The following ARHGAP8 variants were observed in gnomAD, a reference collection of about 807,000 sequenced individuals.
The protein encoded by ARHGAP8 is Rho GTPase activating protein 8.
In ARHGAP8, 62 loss-of-function variants were observed where a neutral mutation model predicts 46.1. The ratio of observed to expected loss-of-function variants is 1.34; its 90% CI spans 1.10 to 1.66. The LOEUF (loss-of-function observed/expected upper bound fraction) is 1.66, where lower values mean the gene tolerates loss of function less well. Ranked by LOEUF, ARHGAP8 falls within the 40% of genes most tolerant of loss-of-function variation. The probability of loss-of-function intolerance (pLI) is 0.00; values close to 1 mark genes in which losing one functional copy is unlikely to be tolerated. For missense variants in ARHGAP8, 923 were observed against 568.4 expected, an observed-to-expected ratio of 1.62 and a Z score of -6.34; for synonymous variants, 375 against 243.1, an observed-to-expected ratio of 1.54 and a Z score of -5.05.
At chr22:44,858,795 C>A (rs887630529) in intron 10 of ARHGAP8, among the ~76,000 whole-genome samples, 1 of 150,700 alleles carries the variant, frequency 6.6e-6, no homozygotes, top group African/African-American at 2.5e-5. Flanking sequence ...CACTGCCTTT[C>A]CAAGAGCAAC....
At chr22:44,857,157 C>G (rs952759988) in intron 10 of ARHGAP8, among the ~76,000 whole-genome samples, 1 of 145,828 alleles carries the variant, frequency 6.9e-6, no homozygotes, top group Non-Finnish European at 1.5e-5. Context: ...TCAGGCTGGT[C>G]TCAAACTCCT....
At position 44,825,500 on chromosome 22, in the gene ARHGAP8, A is replaced by G; in HGVS notation, c.503A>G (p.Gln168Arg). ...PEVLRYDEKL[Q>R]SLHEGRTPPP... The stretch of plus-strand genomic sequence containing the variant: ...GTCTACAGGTACGATGAGAAGCTCC[A>G]GAGCCTGCACGAGGGCCGGACGCCG... The change falls in exon 7 of 12, where the codon CAG becomes CGG. Residue 168 changes from glutamine (Q) to arginine (R), a missense_variant. Gln to Arg is a conservative substitution (Grantham distance 43). Transcript: ENST00000356099. 4 of 1,613,448 alleles carry G rather than the reference A, an allele frequency of 2.5e-6. No individual in the cohort carries two copies. The highest frequency in any genetic ancestry group is 1.1e-5 in the South Asian group (1 of 91,016).
At chr22:44,789,567 G>A (rs768889461) in intron 2 of ARHGAP8, among the ~76,000 whole-genome samples, 2 of 152,030 alleles carry the variant, frequency 1.3e-5, no homozygotes, top group Non-Finnish European at 2.9e-5. Flanking sequence ...GCGCTGTCTC[G>A]GCTCACTACA....
intron 10 of ARHGAP8, among the ~76,000 whole-genome samples, chr22:44,856,359 T>A (rs113309108): frequency 5.0e-5 from 7 of 140,602 alleles, no homozygotes; most frequent in African/African-American, 1.9e-4. Flanking sequence ...CTACAACCTC[T>A]GCCTCCCGGG....
intron 2 of ARHGAP8, among the ~76,000 whole-genome samples, chr22:44,797,979 ATTT>A (rs36101080): frequency 3.1e-5 from 4 of 128,598 alleles, no homozygotes; most frequent in Admixed American, 1.5e-4. Flanking sequence ...GGCCAATAAG[ATTT>A]TTTTTTTTTT....
chr22:44,822,411 A>G lies in ARHGAP8; in HGVS notation c.427A>G (p.Ser143Gly). 6.3e-7 allele frequency: 1 copy of G among 1,583,422 alleles called. No homozygotes were observed. Among genetic ancestry groups the G allele is most frequent in the East Asian group, 2.3e-5 (1 of 42,858 alleles). Residue 143 changes from serine (S) to glycine (G), a missense_variant, in exon 6 of 12, where the codon AGT (serine) becomes GGT (glycine). Ser to Gly is a moderately conservative substitution (Grantham distance 56, BLOSUM62 0). Coordinates refer to ENST00000356099, the MANE Select transcript of ARHGAP8 (RefSeq NM_181335.3). ...GAAAGTCATCTATTTCAACTACCTG[A>G]GTGAGCTCCACGAACACCTTAAATA... is the stretch of plus-strand genomic sequence containing the variant. ...GKKVIYFNYL[S>G]ELHEHLKYDQ... is the part of the protein sequence containing the mutation.
intron 7 of ARHGAP8, among the ~76,000 whole-genome samples, chr22:44,829,797 A>G (rs541552545): frequency 6.6e-6 from 1 of 152,372 alleles, no homozygotes; most frequent in East Asian, 1.9e-4. Flanking sequence ...TCAAAAGCTT[A>G]CAGCAGAAAG....
intron 7 of ARHGAP8, among the ~76,000 whole-genome samples, chr22:44,828,069 A>C (rs1489955585): frequency 6.6e-6 from 1 of 152,214 alleles, no homozygotes; most frequent in Non-Finnish European, 1.5e-5. Context: ...GTCGTACTGC[A>C]CTGCACAGCT....
chr22:44,773,583 T>C (rs990873030), intron 1 of ARHGAP8, among the ~76,000 whole-genome samples: 1 of 152,200 alleles, frequency 6.6e-6, no homozygotes, highest in Non-Finnish European at 1.5e-5. Context: ...ATTTTTCTTT[T>C]TTCTCTCTTT....
intron 10 of ARHGAP8, among the ~76,000 whole-genome samples, chr22:44,855,086 A>G (rs1004124781): frequency 2.0e-5 from 3 of 152,248 alleles, no homozygotes; most frequent in Admixed American, 2.0e-4. Context: ...ATGCTCATGT[A>G]TCTCTAAGCC....
rs576654650 is a variant in ARHGAP8 at position 44,792,876 on chromosome 22, T to C, written c.79+6270T>C. The stretch of plus-strand genomic sequence containing the variant: ...TCTTACTCTGTTGCTCAGGCTGGAG[T>C]GCAGTGGCGCAATCTCGGCTCACTG... On this transcript the variant is annotated intron_variant, in intron 2 of 11. Coordinates refer to ENST00000356099, the MANE Select transcript of ARHGAP8 (RefSeq NM_181335.3). Among the ~76,000 whole-genome samples, 135 of 151,536 alleles carry C rather than the reference T, an allele frequency of 8.9e-4. 1 individual carries two copies. The highest frequency in any genetic ancestry group is 6.0e-3 in the East Asian group (31 of 5,148).
intron 2 of ARHGAP8, among the ~76,000 whole-genome samples, chr22:44,792,006 C>CTT (rs1927723810): frequency 2.8e-5 from 4 of 140,810 alleles, no homozygotes; most frequent in Admixed American, 2.8e-4. Context: ...TCTTCTTTTT[C>CTT]TTCTTTCTTT....
intron 2 of ARHGAP8, among the ~76,000 whole-genome samples, chr22:44,800,629 G>GTA: frequency 6.3e-5 from 3 of 47,924 alleles, no homozygotes; most frequent in Admixed American, 3.8e-4. Flanking sequence ...TGTGGGGGGC[G>GTA]CCCCTCCCCG....
intron 11 of ARHGAP8, among the ~76,000 whole-genome samples, chr22:44,861,758 A>T (rs752755749): frequency 3.3e-5 from 5 of 152,118 alleles, no homozygotes; most frequent in Admixed American, 3.3e-4. Flanking sequence ...CCTCATCTGT[A>T]AGATGGGGAG....
intron 5 of ARHGAP8, among the ~76,000 whole-genome samples, chr22:44,821,233 C>A (rs979391112): frequency 6.6e-6 from 1 of 152,040 alleles, no homozygotes; most frequent in Non-Finnish European, 1.5e-5. Flanking sequence ...AGATCGAGAC[C>A]ATCCTGGCTA....
At chr22:44,854,425 G>A (rs370776939) in intron 10 of ARHGAP8, among the ~76,000 whole-genome samples, 3 of 151,860 alleles carry the variant, frequency 2.0e-5, no homozygotes, top group Non-Finnish European at 4.4e-5. Context: ...GTAGAGACGG[G>A]CTTCACCATG....
At chr22:44,831,840 A>ATT (rs1263274733) in intron 7 of ARHGAP8, among the ~76,000 whole-genome samples, 2 of 152,336 alleles carry the variant, frequency 1.3e-5, no homozygotes, top group East Asian at 1.9e-4. Flanking sequence ...TGCCAGTGCC[A>ATT]CACAATCTTG....
At chr22:44,785,661 T>C (rs974745636) in intron 1 of ARHGAP8, among the ~76,000 whole-genome samples, 4 of 152,158 alleles carry the variant, frequency 2.6e-5, no homozygotes, top group Admixed American at 2.6e-4. Context: ...CCCCTACACC[T>C]GGGATCCTAC....
chr22:44,817,599 T>G (rs940312546), intron 5 of ARHGAP8, among the ~76,000 whole-genome samples: 1 of 151,066 alleles, frequency 6.6e-6, no homozygotes, highest in African/African-American at 2.4e-5. Context: ...AGGTAAGGAG[T>G]TCAAGACCAG....
Sources: allele counts gnomAD v4.1 joint callset (sites outside exome capture counted in the v4.1 genomes callset), GRCh38; gene constraint gnomAD v4.1.1; transcripts MANE v1.5; gene names NCBI Gene and HGNC (gene_info 2026-07-23, HGNC 2026-07-21).